The following SLCO1B3 variants were observed in gnomAD, a reference collection of about 807,000 sequenced individuals.
The protein encoded by SLCO1B3 is liver-specific organic anion transporter 2.
SLCO1B3 carries 72 observed loss-of-function variants against 71.8 expected under a neutral mutation model. The observed-to-expected ratio is 1.00, with a 90% CI of 0.83 to 1.22. The LOEUF is 1.22. Ranked by LOEUF, SLCO1B3 falls within the 50% of genes most tolerant of loss-of-function variation. The pLI, the probability that SLCO1B3 is intolerant of heterozygous loss-of-function variation, is 0.00. For missense variants in SLCO1B3, 911 were observed against 819.7 expected, an observed-to-expected ratio of 1.11 and a Z score of -1.36; for synonymous variants, 298 against 278.4, an observed-to-expected ratio of 1.07 and a Z score of -0.70.
At chr12:20,909,316 C>G (rs990327756) in intron 15 of SLCO1B3, among the ~76,000 whole-genome samples, 6 of 146,904 alleles carry the variant, frequency 4.1e-5, no homozygotes, top group African/African-American at 1.5e-4. Flanking sequence ...CAGGCACCCA[C>G]CACCACGCCT....
Position 20,855,019 on chromosome 12 carries a change from T to C in SLCO1B3, c.85-9T>C. Reference sequence around the variant, plus strand: ...AACCAATTTTCATTTTTTCTTCTATTGTTTTTAGATGTTCTTGGCAGCCCT... The same window carrying C: ...AACCAATTTTCATTTTTTCTTCTATCGTTTTTAGATGTTCTTGGCAGCCCT... On this transcript the variant is annotated splice_polypyrimidine_tract_variant and intron_variant, in intron 3 of 15. Coordinates refer to ENST00000381545, the MANE Select transcript of SLCO1B3 (RefSeq NM_019844.4). The C allele has an allele frequency of 1.9e-6, 3 of 1,606,718 alleles. No individual in the cohort carries two copies. Among genetic ancestry groups the C allele is most frequent in the Non-Finnish European group, 1.7e-6 (2 of 1,178,432 alleles).
At chr12:20,838,731 A>G (rs1864735590) in intron 3 of SLCO1B3, among the ~76,000 whole-genome samples, 1 of 152,026 alleles carries the variant, frequency 6.6e-6, no homozygotes, top group Admixed American at 6.5e-5. Flanking sequence ...TGGTGTTATA[A>G]TCTAATGGGA....
chr12:20,908,521 GTGCTC>G (rs1479696720), intron 15 of SLCO1B3, among the ~76,000 whole-genome samples: 1 of 152,028 alleles, frequency 6.6e-6, no homozygotes, highest in African/African-American at 2.4e-5. Context: ...AAAATCTTCT[GTGCTC>G]TGCCTGTTCA....
At chr12:20,814,761 C>T (rs555348203) in intron 2 of SLCO1B3, among the ~76,000 whole-genome samples, 16 of 151,828 alleles carry the variant, frequency 1.1e-4, no homozygotes, top group South Asian at 1.0e-3. Context: ...CGTTGTGGCA[C>T]GCACCTGCGC....
intron 10 of SLCO1B3, 112 bp downstream of exon 10, chr12:20,878,048 TA>T: frequency 1.4e-6 from 1 of 699,404 alleles, no homozygotes; most frequent in Non-Finnish European, 2.3e-6. Context: ...AATGTAATCT[TA>T]TTATGTCTCA....
chr12:20,890,148 A>T (rs2121336660), intron 13 of SLCO1B3, among the ~76,000 whole-genome samples: 1 of 151,786 alleles, frequency 6.6e-6, no homozygotes, highest in South Asian at 2.1e-4. Flanking sequence ...CAAACTCCTG[A>T]TCTCAAGTGA....
In SLCO1B3 at chr12:20,819,541, T is replaced by C. The variant is rs372885421; in HGVS notation, c.84+3719T>C. 1.1e-3 allele frequency among the ~76,000 whole-genome samples: 165 copies of C among 152,158 alleles called. 4 individuals are homozygous for C. In the South Asian group the frequency reaches 0.033, roughly 30 times the overall value. ...GGATTGTGGAGGGAGGTATTGAGGA[T>C]AGTAGAGTATATGGGTTTGGTACCA... On this transcript the variant is annotated intron_variant, in intron 3 of 15. Transcript: ENST00000381545.
intron 3 of SLCO1B3, among the ~76,000 whole-genome samples, chr12:20,849,537 A>G (rs1222310863): frequency 6.6e-6 from 1 of 152,132 alleles, no homozygotes; most frequent in Non-Finnish European, 1.5e-5. Context: ...AGATTGTTCT[A>G]GAAGTTCTAG....
At chr12:20,861,695 ATATAAG>A (rs938264621) in intron 6 of SLCO1B3, among the ~76,000 whole-genome samples, 16 of 151,984 alleles carry the variant, frequency 1.1e-4, no homozygotes, top group African/African-American at 2.2e-4. Flanking sequence ...AAACACAATA[ATATAAG>A]TATAATTTTA....
chr12:20,811,321 A>G (rs535720982), intron 1 of SLCO1B3, among the ~76,000 whole-genome samples: 59 of 152,284 alleles, frequency 3.9e-4, no homozygotes, highest in African/African-American at 1.4e-3. Flanking sequence ...AAGAGAAAAA[A>G]ATCTTCTGGG....
intron 3 of SLCO1B3, among the ~76,000 whole-genome samples, chr12:20,830,379 G>A (rs1222047570): frequency 1.3e-5 from 2 of 152,148 alleles, no homozygotes; most frequent in Non-Finnish European, 2.9e-5. Context: ...ATATTTAAAG[G>A]GGAAAAATAG....
At chr12:20,892,319 C>A (rs1865921488) in intron 13 of SLCO1B3, among the ~76,000 whole-genome samples, 1 of 152,130 alleles carries the variant, frequency 6.6e-6, no homozygotes, top group Non-Finnish European at 1.5e-5. Context: ...GGAAGTGCAA[C>A]AGTCAGCACA....
intron 13 of SLCO1B3, among the ~76,000 whole-genome samples, chr12:20,889,055 A>G (rs1158629232): frequency 1.3e-5 from 2 of 149,220 alleles, no homozygotes; most frequent in Non-Finnish European, 3.0e-5. Context: ...TTTCATTGCG[A>G]TGAACCTTTT....
intron 9 of SLCO1B3, among the ~76,000 whole-genome samples, chr12:20,876,255 C>G (rs1166070436): frequency 6.6e-6 from 1 of 151,880 alleles, no homozygotes; most frequent in African/African-American, 2.4e-5. Flanking sequence ...AATGGAGTAC[C>G]ATTGAGAAGC....
At chr12:20,833,615 A>G (rs1187297308) in intron 3 of SLCO1B3, among the ~76,000 whole-genome samples, 1 of 148,326 alleles carries the variant, frequency 6.7e-6, no homozygotes, top group East Asian at 2.0e-4. Flanking sequence ...TATATAGTAT[A>G]TAAAATAGAG....
At chr12:20,842,357 G>T (rs999598731) in intron 3 of SLCO1B3, among the ~76,000 whole-genome samples, 1 of 152,078 alleles carries the variant, frequency 6.6e-6, no homozygotes, top group Non-Finnish European at 1.5e-5. Flanking sequence ...TAATTCTACT[G>T]ACTTTTGTTT....
At chr12:20,829,109 G>A (rs1591747694) in intron 3 of SLCO1B3, among the ~76,000 whole-genome samples, 2 of 152,070 alleles carry the variant, frequency 1.3e-5, no homozygotes, top group South Asian at 2.1e-4. Context: ...CAAACCTAAC[G>A]GGAAAAAGAC....
At chr12:20,875,656 T>C (rs1865567276) in intron 9 of SLCO1B3, among the ~76,000 whole-genome samples, 179 bp downstream of exon 9, 1 of 152,082 alleles carries the variant, frequency 6.6e-6, no homozygotes, top group Non-Finnish European at 1.5e-5. Context: ...CTTGAGTACA[T>C]AAAAAGGGGA....
At chr12:20,912,395 T>C (rs941832260) in intron 15 of SLCO1B3, among the ~76,000 whole-genome samples, 6 of 151,212 alleles carry the variant, frequency 4.0e-5, no homozygotes, top group Non-Finnish European at 7.4e-5. Context: ...AGCAGTACGA[T>C]GTCACTCACT....
Sources: allele counts gnomAD v4.1 joint callset (sites outside exome capture counted in the v4.1 genomes callset), GRCh38; gene constraint gnomAD v4.1.1; transcripts MANE v1.5; gene names NCBI Gene and HGNC (gene_info 2026-07-23, HGNC 2026-07-21).